Variants in THSD7B observed in about 807,000 individuals in gnomAD.
The protein encoded by THSD7B is thrombospondin type-1 domain-containing protein 7B.
Under a neutral mutation model 213.6 loss-of-function variants are expected in THSD7B, and 138 were observed. The ratio of observed to expected loss-of-function variants is 0.65; its 90% CI spans 0.56 to 0.74. The LOEUF is 0.74. Among genes scored for constraint, THSD7B ranks in the 30% least tolerant of loss-of-function variants. The probability of loss-of-function intolerance (pLI) is 0.00; values close to 1 mark genes in which losing one functional copy is unlikely to be tolerated. For synonymous variants in THSD7B, 742 were observed against 687.0 expected, an observed-to-expected ratio of 1.08 and a Z score of -1.25; for missense variants, 1,931 against 1,991.5, an observed-to-expected ratio of 0.97 and a Z score of 0.58.
At chr2:137,361,400 T>C (rs1032223444) in intron 12 of THSD7B, among the ~76,000 whole-genome samples, 1 of 152,120 alleles carries the variant, frequency 6.6e-6, no homozygotes, top group Non-Finnish European at 1.5e-5. Context: ...TTGACAGAAG[T>C]AGGCTTCAGA....
intron 2 of THSD7B, among the ~76,000 whole-genome samples, chr2:136,914,287 A>T (rs1486283655): frequency 6.6e-6 from 1 of 152,190 alleles, no homozygotes; most frequent in Non-Finnish European, 1.5e-5. Context: ...TCTAGAAGTT[A>T]GCTAGCTTGC....
At chr2:137,228,373 A>G (rs1558965989) in intron 7 of THSD7B, among the ~76,000 whole-genome samples, 1 of 152,160 alleles carries the variant, frequency 6.6e-6, no homozygotes, top group African/African-American at 2.4e-5. Flanking sequence ...TTTAAAAAGT[A>G]TTTGAGCACC....
chr2:137,608,976 G>A (rs1682238114), intron 17 of THSD7B, among the ~76,000 whole-genome samples: 1 of 152,224 alleles, frequency 6.6e-6, no homozygotes, highest in Non-Finnish European at 1.5e-5. Context: ...ATGCATTAAT[G>A]ATAAGAGTGC....
In THSD7B at chr2:137,562,090, A is replaced by C. The variant is rs141260010; in HGVS notation, c.3139-1131A>C. On this transcript the variant is annotated intron_variant, in intron 15 of 27. Transcript: ENST00000409968. Reference sequence around the variant, plus strand: ...AGTGCTCCAATCTTGTTTCTTGATTATCCTATTACATAGTGCCTTCCTTTG... The same window carrying C: ...AGTGCTCCAATCTTGTTTCTTGATTCTCCTATTACATAGTGCCTTCCTTTG... Among the ~76,000 whole-genome samples, 1,251 of 152,268 alleles carry C rather than the reference A, an allele frequency of 8.2e-3. 21 individuals are homozygous for C. Among genetic ancestry groups the C allele is most frequent in the African/African-American group, 0.029 (1,185 of 41,562 alleles).
intron 10 of THSD7B, among the ~76,000 whole-genome samples, chr2:137,269,083 C>A (rs1281145484): frequency 2.0e-5 from 3 of 152,084 alleles, no homozygotes; most frequent in African/African-American, 7.2e-5. Flanking sequence ...AGACTCTTAA[C>A]AGATAGTTCA....
Position 137,107,676 on chromosome 2 carries a change from T to C in THSD7B, c.1200-7448T>C, listed in dbSNP as rs143189030. Among the ~76,000 whole-genome samples the C allele has an allele frequency of 1.2e-3, 176 of 152,316 alleles. 1 individual carries two copies. In the Middle Eastern group the frequency reaches 0.014, roughly 12 times the overall value. ...ATTGCATTTGTCTATTACTGAGGTA[T>C]TATTTCACGAGTCCCTATTGTGCCA... On this transcript the variant is annotated intron_variant, in intron 4 of 27. Coordinates refer to ENST00000409968, the MANE Select transcript of THSD7B (RefSeq NM_001316349.2).
chr2:137,212,769 C>T lies in THSD7B; in HGVS notation c.1724-18275C>T, dbSNP rs183513762. On this transcript the variant is annotated intron_variant, in intron 7 of 27. Coordinates refer to ENST00000409968, the MANE Select transcript of THSD7B (RefSeq NM_001316349.2). ...AGATTTTTAAGATGAGGCTGAGGCT[C>T]TTTAATATGTGAAAACATGCACTGA... is the stretch of plus-strand genomic sequence containing the variant. Among the ~76,000 whole-genome samples the T allele has an allele frequency of 5.9e-5, 9 of 152,124 alleles. 1 individual carries two copies. The highest frequency in any genetic ancestry group is 1.9e-4 in the African/African-American group (8 of 41,542).
intron 15 of THSD7B, among the ~76,000 whole-genome samples, chr2:137,495,984 C>A (rs926115682): frequency 3.4e-5 from 5 of 148,564 alleles, no homozygotes; most frequent in African/African-American, 1.2e-4. Flanking sequence ...AATTTTATTT[C>A]TAGTGAATCA....
chr2:137,635,855 T>C (rs1682823429), intron 20 of THSD7B, among the ~76,000 whole-genome samples: 1 of 151,928 alleles, frequency 6.6e-6, no homozygotes, highest in Non-Finnish European at 1.5e-5. Flanking sequence ...AGGTATACAC[T>C]ACCATATCTG....
At chr2:136,942,259 A>G (rs950006759) in intron 2 of THSD7B, among the ~76,000 whole-genome samples, 4 of 152,160 alleles carry the variant, frequency 2.6e-5, no homozygotes, top group African/African-American at 4.8e-5. Flanking sequence ...GCCTTGTAAT[A>G]TAATTTGAAG....
intron 21 of THSD7B, 115 bp from the exon 22 acceptor site, chr2:137,655,386 A>G (rs2104816166): frequency 1.8e-6 from 2 of 1,109,012 alleles, no homozygotes; most frequent in Non-Finnish European, 2.5e-6. Flanking sequence ...GCTCACAAGA[A>G]GAGGAAGCTA....
Position 137,546,390 on chromosome 2 carries a change from ATATAT to A in THSD7B, c.3139-16825_3139-16821del, listed in dbSNP as rs1455065785. Among the ~76,000 whole-genome samples, 8 of 39,040 alleles carry A rather than the reference ATATAT, an allele frequency of 2.0e-4. 1 individual carries two copies. Among genetic ancestry groups the A allele is most frequent in the South Asian group, 7.7e-4 (1 of 1,296 alleles). 25.6% of individuals were successfully genotyped at this position (39,040 alleles called of 152,430 possible). ...TATATATATATAATATATATATTAT[ATATAT>A]TATATATATTATATATATATTATAT... On this transcript the variant is annotated intron_variant, in intron 15 of 27. Coordinates refer to ENST00000409968, the MANE Select transcript of THSD7B (RefSeq NM_001316349.2).
At chr2:136,826,474 C>T (rs543396111) in intron 1 of THSD7B, among the ~76,000 whole-genome samples, 1 of 152,178 alleles carries the variant, frequency 6.6e-6, no homozygotes, top group Non-Finnish European at 1.5e-5. Flanking sequence ...TACTAAGTAA[C>T]TGCAAGAGGA....
chr2:137,492,539 C>G (rs562788315), intron 15 of THSD7B, among the ~76,000 whole-genome samples: 1 of 152,112 alleles, frequency 6.6e-6, no homozygotes, highest in East Asian at 1.9e-4. Context: ...GCCAAAGAAA[C>G]ATCTGTAATT....
At chr2:137,637,405 A>G (rs556275683) in intron 20 of THSD7B, among the ~76,000 whole-genome samples, 1 of 152,362 alleles carries the variant, frequency 6.6e-6, no homozygotes, top group African/African-American at 2.4e-5. Flanking sequence ...CATCAGGTCC[A>G]GTAATTTTCT....
Position 137,017,748 on chromosome 2 carries a change from A to G in THSD7B, c.140-38672A>G, listed in dbSNP as rs764528185. On this transcript the variant is annotated intron_variant, in intron 2 of 27. Coordinates refer to ENST00000409968, the MANE Select transcript of THSD7B (RefSeq NM_001316349.2). ...GCCATATGATGCCTTATTCTGTAAG[A>G]TGCTTTGTGGCTTTTTCAATTCTAA... Among the ~76,000 whole-genome samples, 68 of 152,162 alleles carry G rather than the reference A, an allele frequency of 4.5e-4. 1 individual carries two copies. The highest frequency in any genetic ancestry group is 4.1e-4 in the Non-Finnish European group (28 of 68,030).
chr2:136,891,006 A>AT (rs527404872), intron 2 of THSD7B, among the ~76,000 whole-genome samples: 2 of 150,502 alleles, frequency 1.3e-5, no homozygotes, highest in South Asian at 2.1e-4. Flanking sequence ...TAATGTCTAA[A>AT]TTTTTTTTCT....
rs763196617 is a variant in THSD7B, at chr2:137,674,583, A to AACAT, written c.4740-1938_4740-1935dup. ...CCATCAGTATAATTAGAGTCACTGG[A>AACAT]ACATACTTAGTATAGATAAAGTTAA... On this transcript the variant is annotated intron_variant, in intron 27 of 27. Coordinates refer to ENST00000409968, the MANE Select transcript of THSD7B (RefSeq NM_001316349.2). Among the ~76,000 whole-genome samples the AACAT allele has an allele frequency of 7.5e-4, 115 of 152,340 alleles. 1 individual carries two copies. The highest frequency in any genetic ancestry group is 1.2e-3 in the South Asian group (6 of 4,828).
chr2:137,488,010 G>T lies in THSD7B; in HGVS notation c.3138+36987G>T, dbSNP rs1388397059. On this transcript the variant is annotated intron_variant, in intron 15 of 27. Transcript: ENST00000409968. ...GATCTCCTGACCTCGTGATCCGCCC[G>T]CCTCGGCCTCCCAAAGTGCTGGGAT... 1.0e-3 allele frequency among the ~76,000 whole-genome samples: 13 copies of T among 12,536 alleles called. 3 individuals are homozygous for T. Among genetic ancestry groups the T allele is most frequent in the African/African-American group, 1.9e-3 (12 of 6,294 alleles). 8.2% of individuals were successfully genotyped at this position (12,536 alleles called of 152,430 possible). A position where few individuals can be genotyped will look rare whatever the true frequency, so the allele number is the denominator to read the frequency against.
Sources: gnomAD v4.1 joint callset for allele counts (sites outside exome capture counted in the v4.1 genomes callset) on GRCh38, gnomAD v4.1.1 for gene constraint, MANE v1.5 for transcripts, NCBI Gene and HGNC (gene_info 2026-07-23, HGNC 2026-07-21) for gene names.